The following ITGA4 variants were observed in gnomAD, a reference collection of about 807,000 sequenced individuals.
The protein encoded by ITGA4 is integrin alpha-4.
Under a neutral mutation model 133.6 loss-of-function variants are expected in ITGA4, and 63 were observed. The ratio of observed to expected loss-of-function variants is 0.47; its 90% CI spans 0.38 to 0.58. The LOEUF is 0.58. ITGA4 is among the 20% of genes least tolerant of loss of function. The pLI is 0.00. For missense variants in ITGA4, 1,076 were observed against 1,252.7 expected, an observed-to-expected ratio of 0.86 and a Z score of 2.13; for synonymous variants, 483 against 438.0, an observed-to-expected ratio of 1.10 and a Z score of -1.28.
At chr2:181,471,219 G>A (rs1397662923) in intron 2 of ITGA4, among the ~76,000 whole-genome samples, 1 of 152,108 alleles carries the variant, frequency 6.6e-6, no homozygotes, top group Non-Finnish European at 1.5e-5. Flanking sequence ...ATAAGCAGAA[G>A]ATGTTTAGTC....
chr2:181,514,840 A>C (rs1038219861), intron 17 of ITGA4, among the ~76,000 whole-genome samples: 2 of 152,070 alleles, frequency 1.3e-5, no homozygotes, highest in Non-Finnish European at 2.9e-5. Flanking sequence ...ATCTTAATGA[A>C]TTATTTTTCT....
At chr2:181,473,707 C>T (rs1685608648) in intron 2 of ITGA4, among the ~76,000 whole-genome samples, 2 of 152,192 alleles carry the variant, frequency 1.3e-5, no homozygotes, top group African/African-American at 4.8e-5. Context: ...GTGGCTTATG[C>T]TGGTAATCCC....
In ITGA4 at chr2:181,535,464, C is replaced by G. The variant is rs1397460810; in HGVS notation, c.3036C>G (p.Ile1012Met). ...TCTTTAAAAGACAATACAAATCTAT[C>G]CTACAAGAAGAAAACAGAAGAGACA... ...AGFFKRQYKSILQEENRRDSW... is the reference protein window; with the variant it reads ...AGFFKRQYKSMLQEENRRDSW... Residue 1012 changes from isoleucine to methionine, a missense_variant, in exon 28 of 28, where the codon ATC becomes ATG. Physicochemically the swap from Ile to Met is conservative, Grantham distance 10 (BLOSUM62 1). Coordinates refer to ENST00000397033, the MANE Select transcript of ITGA4 (RefSeq NM_000885.6). The G allele has an allele frequency of 1.2e-6, 2 of 1,609,484 alleles. No homozygotes were observed. The highest frequency in any genetic ancestry group is 3.4e-5 in the Admixed American group (2 of 59,562).
chr2:181,496,034 ATCT>A (rs1197624143), intron 14 of ITGA4, 97 bp downstream of exon 14: 11 of 1,265,694 alleles, frequency 8.7e-6, no homozygotes, highest in African/African-American at 6.0e-5. Context: ...CACCACGGAG[ATCT>A]TCTTTAGAGC....
At position 181,535,449 on chromosome 2, in the gene ITGA4, A is replaced by G; in HGVS notation, c.3021A>G (p.Arg1007=). ...ATTTTCAGGCTGGCTTCTTTAAAAG[A>G]CAATACAAATCTATCCTACAAGAAG... is the stretch of plus-strand genomic sequence containing the variant. The part of the protein sequence containing the change: ...YVMWKAGFFK[R]QYKSILQEEN... Residue 1007 remains arginine (R), a synonymous_variant, in exon 28 of 28, where the codon AGA becomes AGG. Coordinates refer to ENST00000397033, the MANE Select transcript of ITGA4 (RefSeq NM_000885.6). 1 of 1,607,914 alleles carries G rather than the reference A, an allele frequency of 6.2e-7. No individual in the cohort carries two copies. The highest frequency in any genetic ancestry group is 8.5e-7 in the Non-Finnish European group (1 of 1,177,112).
At chr2:181,472,434 A>G (rs1000254615) in intron 2 of ITGA4, among the ~76,000 whole-genome samples, 1 of 152,184 alleles carries the variant, frequency 6.6e-6, no homozygotes, top group Admixed American at 6.5e-5. Context: ...TATACACGCC[A>G]TATTATTTGT....
At chr2:181,500,789 G>A (rs1343695057) in intron 15 of ITGA4, among the ~76,000 whole-genome samples, 2 of 152,064 alleles carry the variant, frequency 1.3e-5, no homozygotes, top group Admixed American at 6.6e-5. Context: ...TACCCACATT[G>A]TGTCAAATTC....
rs1244853442 is a variant in ITGA4, at chr2:181,495,574, G to A, written c.1385+158G>A. Among the ~76,000 whole-genome samples, 7 of 151,992 alleles carry A rather than the reference G, an allele frequency of 4.6e-5. No homozygotes were observed. On this transcript the variant is annotated intron_variant, in intron 13 of 27. Transcript: ENST00000397033. This position sits in a 1 kb window ranked among gnomAD's most constrained non-coding sequence, Gnocchi z 4.3. ...TTTAGGGTATTTTTTTCACCTTACA[G>A]AGATATAATTAAATCATCAAAGTCA...
In ITGA4 at chr2:181,457,658, G is replaced by T. The variant is rs1395445487; in HGVS notation, c.4G>T (p.Ala2Ser). MAWEARREPGPR... is the reference protein window; with the variant it reads MSWEARREPGPR... ...GAATGTTCCCCACCGAGAGCGCATG[G>T]CTTGGGAAGCGAGGCGCGAACCCGG... The change falls in exon 1 of 28, where the codon GCT becomes TCT. Residue 2 changes from alanine (A) to serine (S), a missense_variant. Around this residue, in one of 4 missense-constraint regions of ITGA4, gnomAD observed 82 missense variants for 68.3 expected, o/e 1.20. Coordinates refer to ENST00000397033, the MANE Select transcript of ITGA4 (RefSeq NM_000885.6). 1.2e-6 allele frequency: 2 copies of T among 1,609,872 alleles called. No individual in the cohort carries two copies. The highest frequency in any genetic ancestry group is 1.7e-6 in the Non-Finnish European group (2 of 1,179,154).
chr2:181,510,715 CAT>C (rs3060964), intron 16 of ITGA4, among the ~76,000 whole-genome samples: 91,212 of 151,540 alleles, frequency 0.6, 27,792 homozygotes, highest in South Asian at 0.84. Context: ...TCTACACCCT[CAT>C]ATGAAAATAT....
Position 181,538,543 on chromosome 2 carries a change from A to C in ITGA4, c.*3016A>C, listed in dbSNP as rs1242053501. Among the ~76,000 whole-genome samples, 1 of 152,162 alleles carries C rather than the reference A, an allele frequency of 6.6e-6. No individual in the cohort carries two copies. Among genetic ancestry groups the C allele is most frequent in the Non-Finnish European group, 1.5e-5 (1 of 68,026 alleles). On this transcript the variant is annotated 3_prime_UTR_variant, in exon 28 of 28. Transcript: ENST00000397033. ...GTGGGCACCCCTGCATGCTTCTTCT[A>C]ACCACTGAGTGTCACAATGCCTACC... is the stretch of plus-strand genomic sequence containing the variant.
intron 2 of ITGA4, among the ~76,000 whole-genome samples, chr2:181,464,768 A>G (rs1455166993): frequency 1.3e-5 from 2 of 152,118 alleles, no homozygotes; most frequent in East Asian, 3.8e-4. Flanking sequence ...CAGGTAGTTC[A>G]GACAGTAACA....
intron 10 of ITGA4, among the ~76,000 whole-genome samples, chr2:181,488,617 G>A (rs893110816): frequency 2.0e-4 from 31 of 151,272 alleles, no homozygotes; most frequent in Admixed American, 2.0e-3. Context: ...AGAGTGCAGT[G>A]GCATGATCTG....
Position 181,495,942 on chromosome 2 carries a change from G to A in ITGA4, c.1540+5G>A. ...AGGAAGTTCCAGGTTACATTGGTGG[G>A]TATGCCCTACAATATTAATGCTTGA... is the stretch of plus-strand genomic sequence containing the variant. On this transcript the variant is annotated splice_donor_5th_base_variant and intron_variant, in intron 14 of 27. Coordinates refer to ENST00000397033, the MANE Select transcript of ITGA4 (RefSeq NM_000885.6). This position sits in a 1 kb window ranked among gnomAD's most constrained non-coding sequence, Gnocchi z 4.3. The A allele has an allele frequency of 6.2e-7, 1 of 1,613,080 alleles. No homozygotes were observed.
rs913014067 is a variant in ITGA4 at position 181,535,678 on chromosome 2, C to G, written c.*151C>G. 1.1e-6 allele frequency: 1 copy of G among 933,804 alleles called. No homozygotes were observed. The highest frequency in any genetic ancestry group is 1.7e-5 in the African/African-American group (1 of 60,542). 57.8% of individuals were successfully genotyped at this position (933,804 alleles called of 1,614,324 possible). Reference sequence around the variant, plus strand: ...TTATGTCTTCATGCAAGGGGAAAATCTCAGCAATGATTACTCTTTGAGATA... The same window carrying G: ...TTATGTCTTCATGCAAGGGGAAAATGTCAGCAATGATTACTCTTTGAGATA... On this transcript the variant is annotated 3_prime_UTR_variant, in exon 28 of 28. Transcript: ENST00000397033.
intron 10 of ITGA4, among the ~76,000 whole-genome samples, chr2:181,487,152 C>T (rs780681090): frequency 5.9e-5 from 9 of 152,048 alleles, no homozygotes; most frequent in Admixed American, 2.0e-4. Flanking sequence ...TTGGTTATTA[C>T]GATTACACAT....
At chr2:181,486,020 G>A in intron 10 of ITGA4, 28 bp downstream of exon 10, 1 of 1,558,398 alleles carries the variant, frequency 6.4e-7, no homozygotes, top group Non-Finnish European at 8.6e-7. Flanking sequence ...ATTGGTACTT[G>A]ATTTCTGCTT....
At chr2:181,481,215 G>A (rs1685794298) in intron 6 of ITGA4, among the ~76,000 whole-genome samples, 1 of 151,926 alleles carries the variant, frequency 6.6e-6, no homozygotes, top group African/African-American at 2.4e-5. Context: ...AAGATTTGGT[G>A]GCAAAAAAAG....
In ITGA4 at chr2:181,473,521, G is replaced by A. The variant is rs563592534; in HGVS notation, c.320-1439G>A. On this transcript the variant is annotated intron_variant, in intron 2 of 27. Transcript: ENST00000397033. ...CTGGAGCAGAATCTCCAGAGGAGGA[G>A]CTCAAACATTTTCTTCACTTCAGTT... 2.0e-5 allele frequency among the ~76,000 whole-genome samples: 3 copies of A among 152,330 alleles called. No homozygotes were observed. The East Asian group carries it at 5.8e-4, about 29-fold the overall frequency.
Sources: gnomAD v4.1 joint callset for allele counts (sites outside exome capture counted in the v4.1 genomes callset) on GRCh38, gnomAD v4.1.1 for gene constraint, gnomAD v4.1.1 regional missense constraint, Gnocchi (gnomAD v3.1) non-coding constraint, MANE v1.5 for transcripts, NCBI Gene and HGNC (gene_info 2026-07-23, HGNC 2026-07-21) for gene names.